TENM2: variants seen among roughly 807,000 people sequenced by gnomAD.
TENM2 encodes the protein teneurin-2.
In TENM2, 52 loss-of-function variants were observed where a neutral mutation model predicts 245.2. The observed-to-expected ratio is 0.21, with a 90% CI of 0.17 to 0.27. The LOEUF is 0.27. Ranked by LOEUF, TENM2 falls within the 10% of genes least tolerant of loss-of-function variation. The pLI is 1.00. For synonymous variants in TENM2, 1,363 were observed against 1,438.9 expected (o/e 0.95, Z 1.19); for missense variants, 3,046 against 3,666.8 (o/e 0.83, Z 4.37).
intron 7 of TENM2, among the ~76,000 whole-genome samples, chr5:168,067,254 G>A (rs75689243): frequency 0.016 from 2,421 of 152,276 alleles, 46 homozygotes; most frequent in Non-Finnish European, 0.02. Context: ...TTGAATGGCG[G>A]TAAGACAGGA....
intron 2 of TENM2, among the ~76,000 whole-genome samples, chr5:167,555,055 T>A (rs143210153): frequency 1.2e-3 from 190 of 152,266 alleles, no homozygotes; most frequent in Non-Finnish European, 1.9e-3. Flanking sequence ...GTAAACACTT[T>A]CCTTTCTGCC....
At chr5:167,848,893 G>C (rs1770301531) in intron 2 of TENM2, among the ~76,000 whole-genome samples, 1 of 152,098 alleles carries the variant, frequency 6.6e-6, no homozygotes, top group Non-Finnish European at 1.5e-5. Context: ...ACTTAAAGCA[G>C]GCTAGTTTTT....
At chr5:168,129,430 T>C (rs972329943) in intron 12 of TENM2, 6 of 152,350 alleles carry the variant, frequency 3.9e-5, no homozygotes, top group Non-Finnish European at 5.9e-5. Flanking sequence ...GTATAGTCTC[T>C]TGTTCAGAAC....
At chr5:167,236,569 A>T in the TENM2 span, among the ~76,000 whole-genome samples, 9 of 152,210 alleles carry the variant, frequency 5.9e-5, no homozygotes, top group Non-Finnish European at 5.9e-5. Context: ...TAACTTTTAG[A>T]TTAAATCTTA....
In TENM2 at chr5:168,199,169, CT is replaced by C. The variant is rs1761714859; in HGVS notation, c.3162+56del. The C allele has an allele frequency of 2.6e-6, 4 of 1,550,814 alleles. No individual in the cohort carries two copies. The South Asian group carries it at 4.8e-5, about 18-fold the overall frequency. On this transcript the variant is annotated intron_variant, in intron 16 of 28. Transcript: ENST00000518659. ...TCAGGACTTCCCTAACGAAAACCAACTGGACACTGCCTCTCCCCGAGTGGAC... is the reference window on the plus strand; with the variant it reads ...TCAGGACTTCCCTAACGAAAACCAACGGACACTGCCTCTCCCCGAGTGGAC...
chr5:166,994,302 T>C, the TENM2 span, among the ~76,000 whole-genome samples: 1 of 152,212 alleles, frequency 6.6e-6, no homozygotes, highest in African/African-American at 2.4e-5. Flanking sequence ...GGGGCTAATA[T>C]TGTGGGCGAT....
In TENM2 at chr5:168,158,850, T is replaced by TATATATATATATATATATACACAC. The variant is rs1339051385; in HGVS notation, c.2423-3760_2423-3759insTATATATATATATATATACACACA. On this transcript the variant is annotated intron_variant, in intron 12 of 28. Coordinates refer to ENST00000518659, the Ensembl canonical transcript of TENM2. ...GTGTGTATATATATATATATATATA[T>TATATATATATATATATATACACAC]ACACACACACACACACACATATATA... Among the ~76,000 whole-genome samples the TATATATATATATATATATACACAC allele has an allele frequency of 1.4e-3, 85 of 62,236 alleles. 1 individual carries two copies. Among genetic ancestry groups the TATATATATATATATATATACACAC allele is most frequent in the South Asian group, 2.2e-3 (5 of 2,232 alleles). The allele number at this position is 62,236 out of a possible 152,430, so 40.8% of individuals were successfully genotyped here.
the TENM2 span, among the ~76,000 whole-genome samples, chr5:167,247,672 G>T: frequency 4.6e-5 from 7 of 152,024 alleles, no homozygotes; most frequent in East Asian, 1.4e-3. Context: ...ACAAACCCCT[G>T]GGATAAATCA....
intron 2 of TENM2, among the ~76,000 whole-genome samples, chr5:167,815,774 G>GA (rs142151152): frequency 0.1 from 15,477 of 152,020 alleles, 1,336 homozygotes; most frequent in East Asian, 0.41. Flanking sequence ...TCATGTGGGA[G>GA]AATGAGAGGG....
At chr5:168,109,286 C>T (rs1794489174) in intron 9 of TENM2, among the ~76,000 whole-genome samples, 2 of 152,194 alleles carry the variant, frequency 1.3e-5, no homozygotes, top group South Asian at 4.1e-4. Flanking sequence ...AGCAGACACC[C>T]TTGGCAAAGT....
chr5:167,659,254 G>A (rs192411100), intron 2 of TENM2, among the ~76,000 whole-genome samples: 3 of 152,270 alleles, frequency 2.0e-5, no homozygotes, highest in Admixed American at 1.3e-4. Flanking sequence ...AGATAAAGAG[G>A]AAAACAAATG....
intron 1 of TENM2, among the ~76,000 whole-genome samples, chr5:167,350,194 C>T (rs1010308697): frequency 1.3e-5 from 2 of 152,120 alleles, no homozygotes; most frequent in African/African-American, 2.4e-5. Context: ...CCTTGGGTCA[C>T]TTAATTTCCC....
chr5:168,095,551 T>C (rs1434075184), intron 8 of TENM2, among the ~76,000 whole-genome samples: 1 of 152,198 alleles, frequency 6.6e-6, no homozygotes, highest in African/African-American at 2.4e-5. Context: ...TTCAAAGCAC[T>C]TATTGTAATT....
intron 12 of TENM2, among the ~76,000 whole-genome samples, chr5:168,155,044 C>T (rs1757029731): frequency 6.6e-6 from 1 of 152,208 alleles, no homozygotes; most frequent in Non-Finnish European, 1.5e-5. Context: ...CACGGGCAAG[C>T]AAGAGGGACA....
chr5:167,391,176 T>A (rs983010328), intron 2 of TENM2, among the ~76,000 whole-genome samples: 2 of 152,110 alleles, frequency 1.3e-5, no homozygotes, highest in East Asian at 1.9e-4. Context: ...TCCTTTGAAA[T>A]TTTTTTTAAC....
chr5:168,203,084 A>C (rs529450238), intron 17 of TENM2, among the ~76,000 whole-genome samples: 1 of 152,266 alleles, frequency 6.6e-6, no homozygotes, highest in South Asian at 2.1e-4. Flanking sequence ...ATTTTTAAAA[A>C]CAGCTTTTGG....
chr5:167,940,293 T>C lies in TENM2; in HGVS notation c.713-12295T>C, dbSNP rs182534656. ...TTAATTAACTAATTCGGTCATTTGTTCAACAACCGTCTATTGTGTCTACCA... is the reference window on the plus strand; with the variant it reads ...TTAATTAACTAATTCGGTCATTTGTCCAACAACCGTCTATTGTGTCTACCA... On this transcript the variant is annotated intron_variant, in intron 3 of 28. Coordinates refer to ENST00000518659, the Ensembl canonical transcript of TENM2. Among the ~76,000 whole-genome samples the C allele has an allele frequency of 2.5e-3, 378 of 152,314 alleles. 4 individuals are homozygous for C. The highest frequency in any genetic ancestry group is 0.022 in the Admixed American group (342 of 15,308).
intron 5 of TENM2, among the ~76,000 whole-genome samples, chr5:168,000,299 G>A (rs1362266363): frequency 6.6e-6 from 1 of 152,132 alleles, no homozygotes; most frequent in Non-Finnish European, 1.5e-5. Flanking sequence ...GTAAATTAGT[G>A]TTATTTCATT....
At chr5:167,235,988 G>T in the TENM2 span, among the ~76,000 whole-genome samples, 3 of 152,030 alleles carry the variant, frequency 2.0e-5, no homozygotes, top group Non-Finnish European at 4.4e-5. Context: ...GGCAATAATC[G>T]GTAGATATTC....
Sources: allele counts gnomAD v4.1 joint callset (sites outside exome capture counted in the v4.1 genomes callset), GRCh38; gene constraint gnomAD v4.1.1; transcripts MANE v1.5; gene names NCBI Gene and HGNC (gene_info 2026-07-23, HGNC 2026-07-21).